Variants in TEX14 observed in about 807,000 individuals in gnomAD.
TEX14 encodes the protein testis expressed 14, intercellular bridge forming factor.
A neutral mutation model predicts 178.6 loss-of-function variants in TEX14; 168 were observed. The observed-to-expected ratio is 0.94, with a 90% CI of 0.83 to 1.07. The LOEUF (loss-of-function observed/expected upper bound fraction) is 1.07. Among genes scored for constraint, TEX14 ranks in the 50% least tolerant of loss-of-function variants. TEX14 has a pLI of 0.00. For missense variants in TEX14, 1,730 were observed against 1,753.6 expected (o/e 0.99, Z 0.24); for synonymous variants, 626 against 634.1 (o/e 0.99, Z 0.19).
At chr17:58,634,679 A>G (rs1478137960) in intron 2 of TEX14, among the ~76,000 whole-genome samples, 1 of 152,164 alleles carries the variant, frequency 6.6e-6, no homozygotes, top group East Asian at 1.9e-4. Context: ...TAAAAGGACA[A>G]TTCTGCATGG....
Position 58,599,000 on chromosome 17 carries a change from T to C in TEX14, c.2345A>G (p.Tyr782Cys). The change falls in exon 14 of 32, where the codon TAC becomes TGC. Residue 782 changes from tyrosine (Y) to cysteine (C), a missense_variant. This residue lies in a region of TEX14 where 941 missense variants were observed against 1,072.4 expected (regional missense o/e 0.88). Coordinates refer to ENST00000349033, the MANE Select transcript of TEX14 (RefSeq NM_031272.5). Reference protein sequence around the residue: ...WATSREFTNAYKLPLAVGPPS... With the variant: ...WATSREFTNACKLPLAVGPPS... ...AGGGCCCACGGCCAGAGGTAACTTG[T>C]AGGCATTTGTAAACTCTCTTGAAGT... 3 of 1,614,048 alleles carry C rather than the reference T, an allele frequency of 1.9e-6. No homozygotes were observed. Among genetic ancestry groups the C allele is most frequent in the Non-Finnish European group, 2.5e-6 (3 of 1,179,982 alleles).
chr17:58,621,597 C>T, intron 5 of TEX14, 53 bp downstream of exon 5: 4 of 1,546,906 alleles, frequency 2.6e-6, no homozygotes, highest in Admixed American at 1.8e-5. Context: ...AGGGCTCCCA[C>T]GAGGAAGGCT....
chr17:58,644,638 C>CT (rs34373378), intron 2 of TEX14, among the ~76,000 whole-genome samples: 3,556 of 39,548 alleles, frequency 0.09, 820 homozygotes, highest in Non-Finnish European at 0.11. Context: ...CCGCACCTGG[C>CT]TTTTTTTTTT....
intron 21 of TEX14, 85 bp from the exon 22 acceptor site, chr17:58,574,334 C>A: frequency 2.9e-6 from 3 of 1,046,980 alleles, no homozygotes; most frequent in Non-Finnish European, 4.4e-6. Flanking sequence ...ACCAGTTGAT[C>A]AGCCCAGTGT....
intron 19 of TEX14, chr17:58,581,592 C>G: frequency 6.2e-7 from 1 of 1,612,102 alleles, no homozygotes; most frequent in African/African-American, 1.3e-5. Flanking sequence ...GGTACTTTAC[C>G]CTGAACTGCG....
intron 11 of TEX14, 45 bp downstream of exon 11, chr17:58,604,933 C>T (rs1028719967): frequency 1.4e-5 from 23 of 1,607,114 alleles, no homozygotes; most frequent in Non-Finnish European, 1.9e-5. Context: ...AAAAATGCAA[C>T]CTAAGAATAG....
intron 2 of TEX14, among the ~76,000 whole-genome samples, chr17:58,639,344 GCCA>G (rs964208586): frequency 1.5e-4 from 13 of 87,356 alleles, no homozygotes; most frequent in African/African-American, 6.6e-4. Flanking sequence ...CAAATAAGGT[GCCA>G]GTAGTGTATA....
intron 1 of TEX14, among the ~76,000 whole-genome samples, chr17:58,681,656 C>G (rs1020811240): frequency 2.0e-5 from 3 of 152,032 alleles, no homozygotes; most frequent in African/African-American, 7.2e-5. Flanking sequence ...TCGAGACCAG[C>G]CTGGCAAACA....
At chr17:58,593,976 A>G (rs2045219150) in intron 14 of TEX14, among the ~76,000 whole-genome samples, 1 of 152,200 alleles carries the variant, frequency 6.6e-6, no homozygotes, top group Non-Finnish European at 1.5e-5. Flanking sequence ...CTGGGACTAC[A>G]GGCGCACACC....
chr17:58,584,420 G>C (rs964206801), intron 19 of TEX14, 80 bp downstream of exon 19: 13 of 1,029,330 alleles, frequency 1.3e-5, no homozygotes, highest in Non-Finnish European at 2.0e-5. Context: ...TTATTTTGGT[G>C]TCATAACACA....
rs765554224 is a variant in TEX14, at chr17:58,660,981, A to G, written c.-1-8979T>C. 5.1e-6 allele frequency: 6 copies of G among 1,165,484 alleles called. No homozygotes were observed. In the South Asian group the frequency reaches 6.1e-5, roughly 12 times the overall value. 72.2% of individuals were successfully genotyped at this position (1,165,484 alleles called of 1,614,324 possible). A position where few individuals can be genotyped will look rare whatever the true frequency, so the allele number is the denominator to read the frequency against. ...TGATCAATGCTCTCAATCTCTTCTA[A>G]GCTGATATCAATCCACCTCTGAAGG... On this transcript the variant is annotated intron_variant, in intron 1 of 31. Transcript: ENST00000349033.
In TEX14 at chr17:58,589,615, T is replaced by C. The variant is rs145786357; in HGVS notation, c.2577-1594A>G. On this transcript the variant is annotated intron_variant, in intron 15 of 31. Transcript: ENST00000349033. ...TGGCACAGATATGAATTCCCTGTTA[T>C]CTAGAATGCCCTACTCTCCAGCTGG... Among the ~76,000 whole-genome samples, 867 of 144,396 alleles carry C rather than the reference T, an allele frequency of 6.0e-3. 6 individuals carry two copies. Among genetic ancestry groups the C allele is most frequent in the African/African-American group, 9.7e-3 (374 of 38,554 alleles). 94.7% of individuals were successfully genotyped at this position (144,396 alleles called of 152,430 possible). A position where few individuals can be genotyped will look rare whatever the true frequency, so the allele number is the denominator to read the frequency against.
intron 13 of TEX14, among the ~76,000 whole-genome samples, chr17:58,599,877 G>A (rs905740528): frequency 1.3e-5 from 2 of 152,192 alleles, no homozygotes; most frequent in Non-Finnish European, 2.9e-5. Flanking sequence ...ATTTTGACAT[G>A]GAATGAGGCA....
At chr17:58,637,790 G>A (rs1326552734) in intron 2 of TEX14, among the ~76,000 whole-genome samples, 2 of 152,002 alleles carry the variant, frequency 1.3e-5, no homozygotes, top group Non-Finnish European at 2.9e-5. Flanking sequence ...TCAAATCTGG[G>A]GAGTGGGTTG....
At chr17:58,685,450 AG>A (rs972988508) in intron 1 of TEX14, among the ~76,000 whole-genome samples, 4 of 151,618 alleles carry the variant, frequency 2.6e-5, no homozygotes, top group African/African-American at 9.7e-5. Flanking sequence ...AAAAAAAAAA[AG>A]AATGTCAGAT....
At chr17:58,670,601 C>A (rs1191328499) in intron 1 of TEX14, among the ~76,000 whole-genome samples, 1 of 151,130 alleles carries the variant, frequency 6.6e-6, no homozygotes, top group Non-Finnish European at 1.5e-5. Flanking sequence ...TGGAGAAACC[C>A]ATCTCTACTA....
intron 1 of TEX14, chr17:58,660,516 T>A (rs1313122481): frequency 1.4e-6 from 1 of 723,412 alleles, no homozygotes; most frequent in African/African-American, 1.8e-5. Context: ...AGGGGAAGGC[T>A]GCATGGTTTT....
chr17:58,569,236 A>T lies in TEX14; in HGVS notation c.3842T>A (p.Ile1281Asn), dbSNP rs780493238. 5.6e-6 allele frequency: 9 copies of T among 1,614,074 alleles called. No homozygotes were observed. Among genetic ancestry groups the T allele is most frequent in the Non-Finnish European group, 7.6e-6 (9 of 1,179,936 alleles). ...PKVEAFSQHHIDELPPPSQEL... is the reference protein window; with the variant it reads ...PKVEAFSQHHNDELPPPSQEL... ...CTGAGATGGTGGTGGCAGCTCATCA[A>T]TGTGATGCTGTGAGAAGGCTTCTAC... is the stretch of plus-strand genomic sequence containing the variant. Residue 1281 changes from isoleucine to asparagine, a missense_variant, in exon 26 of 32, where the codon ATT becomes AAT. This residue lies in a region of TEX14 where 941 missense variants were observed against 1,072.4 expected (regional missense o/e 0.88). Coordinates refer to ENST00000349033, the MANE Select transcript of TEX14 (RefSeq NM_031272.5). This position sits in a 1 kb window ranked among gnomAD's most constrained non-coding sequence, Gnocchi z 4.1.
rs780174727 is a variant in TEX14, at chr17:58,577,419, CT to C, written c.3275del (p.Lys1092ArgfsTer32). ...EKFQMRKILG[K>X]NAEILPRSQF... ...GAGACCTGGGCAAAATCTCAGCATT[CT>C]TTCCAAGAATTTTTCTCATTTGGAA... On this transcript the variant is annotated frameshift_variant, in exon 21 of 32. Transcript: ENST00000349033. LOFTEE classifies it high-confidence loss of function. 1 of 1,514,320 alleles carries C rather than the reference CT, an allele frequency of 6.6e-7. No homozygotes were observed. The highest frequency in any genetic ancestry group is 8.9e-7 in the Non-Finnish European group (1 of 1,126,048). 93.8% of individuals were successfully genotyped at this position (1,514,320 alleles called of 1,614,324 possible). A position where few individuals can be genotyped will look rare whatever the true frequency, so the allele number is the denominator to read the frequency against.
Sources: allele counts gnomAD v4.1 joint callset (sites outside exome capture counted in the v4.1 genomes callset), GRCh38; gene constraint gnomAD v4.1.1; regional missense constraint gnomAD v4.1.1; non-coding constraint Gnocchi (gnomAD v3.1); transcripts MANE v1.5; gene names NCBI Gene and HGNC (gene_info 2026-07-23, HGNC 2026-07-21).